CEP20: variants seen among roughly 807,000 people sequenced by gnomAD.
CEP20 encodes FGFR1OP N-terminal like.
CEP20 carries 18 observed loss-of-function variants against 20.0 expected under a neutral mutation model. The ratio of observed to expected loss-of-function variants is 0.90; its 90% CI spans 0.62 to 1.34. CEP20 has a LOEUF of 1.34. Among genes scored for constraint, CEP20 ranks in the 40% most tolerant of loss-of-function variants. The pLI is 0.00. For missense variants in CEP20, 215 were observed against 201.6 expected, an observed-to-expected ratio of 1.07 and a Z score of -0.40; for synonymous variants, 77 against 73.7, an observed-to-expected ratio of 1.04 and a Z score of -0.23.
rs766091952 is a variant in CEP20 at position 15,873,607 on chromosome 16, A to T, written c.332T>A (p.Leu111Ter). ...DNTIPLLYGI[L>*]AHFLRGTKDG... is the part of the protein sequence containing the mutation. Reference sequence around the variant, plus strand: ...CTTAGTTCCACGCAAGAAATGGGCTAAAATCCCATATAAAAGAGGTCTATA... The same window carrying T: ...CTTAGTTCCACGCAAGAAATGGGCTTAAATCCCATATAAAAGAGGTCTATA... The change falls in exon 4 of 5, where the codon TTA (leucine) becomes TAA (stop). Residue 111 changes from leucine to a stop codon, truncating the protein, a stop_gained. Transcript: ENST00000255759. LOFTEE classifies it high-confidence loss of function. 1 of 1,613,984 alleles carries T rather than the reference A, an allele frequency of 6.2e-7. No homozygotes were observed. Among genetic ancestry groups the T allele is most frequent in the Non-Finnish European group, 8.5e-7 (1 of 1,179,902 alleles).
chr16:15,866,595 G>A lies in CEP20; in HGVS notation c.*845C>T, dbSNP rs1049314835. The A allele has an allele frequency of 1.3e-5, 2 of 152,184 alleles. No individual in the cohort carries two copies. Among genetic ancestry groups the A allele is most frequent in the Non-Finnish European group, 2.9e-5 (2 of 68,030 alleles). 9.4% of individuals were successfully genotyped at this position (152,184 alleles called of 1,614,324 possible). ...GTTTCGGAGCCCAAACAAGTAGGGG[G>A]CTGGCCCTCTTCTGGCTCATCTGTG... On this transcript the variant is annotated 3_prime_UTR_variant, in exon 5 of 5. Coordinates refer to ENST00000255759, the MANE Select transcript of CEP20 (RefSeq NM_144600.4).
chr16:15,885,953 T>C (rs1028239870), intron 1 of CEP20: 1 of 152,208 alleles, frequency 6.6e-6, no homozygotes, highest in East Asian at 1.9e-4. Flanking sequence ...CTTGTAGTGA[T>C]CTGCAACTTT....
In CEP20 at chr16:15,868,936, G is replaced by T. The variant is rs527588470; in HGVS notation, c.449-1420C>A. ...AATAAAAATCTTCGCCAGGAATGTA[G>T]TCCCAGCTGTAGTCCCAGCTACTTG... On this transcript the variant is annotated intron_variant, in intron 4 of 4. Transcript: ENST00000255759. Among the ~76,000 whole-genome samples the T allele has an allele frequency of 3.3e-5, 5 of 151,596 alleles. No homozygotes were observed. The South Asian group carries it at 1.0e-3, about 32-fold the overall frequency.
intron 2 of CEP20, among the ~76,000 whole-genome samples, chr16:15,883,618 G>A (rs1052050900): frequency 3.3e-5 from 5 of 152,024 alleles, no homozygotes; most frequent in African/African-American, 1.2e-4. Context: ...TCTTGCCTCG[G>A]CCTCCCAAAG....
rs1336693932 is a variant in CEP20 at position 15,865,753 on chromosome 16, G to T, written c.*1687C>A. 6.6e-6 allele frequency: 1 copy of T among 152,084 alleles called. No individual in the cohort carries two copies. Among genetic ancestry groups the T allele is most frequent in the South Asian group, 2.1e-4 (1 of 4,832 alleles). 9.4% of individuals were successfully genotyped at this position (152,084 alleles called of 1,614,324 possible). On this transcript the variant is annotated 3_prime_UTR_variant, in exon 5 of 5. Transcript: ENST00000255759. ...TATTTTTTTTATTAAATGATACATT[G>T]AAAGTATAAAAAGTTGCCGCAGTAC... is the stretch of plus-strand genomic sequence containing the variant.
At chr16:15,872,844 G>A (rs2044853630) in intron 4 of CEP20, among the ~76,000 whole-genome samples, 1 of 151,832 alleles carries the variant, frequency 6.6e-6, no homozygotes, top group Non-Finnish European at 1.5e-5. Context: ...AAGAAATGTG[G>A]GCGATTCTCC....
chr16:15,878,348 G>A (rs1341205351), intron 3 of CEP20, among the ~76,000 whole-genome samples: 2 of 152,172 alleles, frequency 1.3e-5, no homozygotes, highest in Admixed American at 6.5e-5. Context: ...AAAGTGCTAC[G>A]CTAAGCAACA....
chr16:15,880,820 C>T (rs139451039), intron 2 of CEP20, among the ~76,000 whole-genome samples: 287 of 152,100 alleles, frequency 1.9e-3, no homozygotes, highest in African/African-American at 6.6e-3. Flanking sequence ...CTCATAGAAG[C>T]GTGAACCCTA....
At chr16:15,876,432 G>A (rs921826435) in intron 3 of CEP20, among the ~76,000 whole-genome samples, 4 of 151,206 alleles carry the variant, frequency 2.6e-5, no homozygotes, top group Admixed American at 6.6e-5. Context: ...CCGAGATCAC[G>A]CCACTGCACT....
At chr16:15,884,260 G>C in intron 1 of CEP20, 55 bp from the exon 2 acceptor site, 1 of 1,497,552 alleles carries the variant, frequency 6.7e-7, no homozygotes, top group Non-Finnish European at 9.1e-7. Flanking sequence ...GTCATTCTTA[G>C]GCATACTTTG....
chr16:15,877,649 T>C (rs2044987366), intron 3 of CEP20, among the ~76,000 whole-genome samples: 1 of 152,100 alleles, frequency 6.6e-6, no homozygotes, highest in Non-Finnish European at 1.5e-5. Flanking sequence ...TGCCAGCGTA[T>C]GCCTGTAATT....
chr16:15,880,019 C>G (rs1191524577), intron 2 of CEP20, 131 bp from the exon 3 acceptor site: 1 of 616,018 alleles, frequency 1.6e-6, no homozygotes, highest in East Asian at 3.2e-5. Context: ...CACACCAAGA[C>G]AGATCAAATT....
At chr16:15,874,789 T>C (rs1352055574) in intron 3 of CEP20, among the ~76,000 whole-genome samples, 2 of 152,164 alleles carry the variant, frequency 1.3e-5, no homozygotes, top group Non-Finnish European at 2.9e-5. Flanking sequence ...TGAGCTGAAC[T>C]CACTTCTAAC....
intron 1 of CEP20, among the ~76,000 whole-genome samples, chr16:15,886,677 G>C (rs970766227): frequency 1.3e-5 from 2 of 152,236 alleles, no homozygotes; most frequent in South Asian, 2.1e-4. Flanking sequence ...CTCAGAGATA[G>C]AACCAAGTAA....
chr16:15,872,734 CTCAAAAAAATACATAAAAATTTAT>C (rs2044851099), intron 4 of CEP20, among the ~76,000 whole-genome samples: 1 of 130,942 alleles, frequency 7.6e-6, no homozygotes, highest in Admixed American at 7.5e-5. Context: ...ATTTTTATGT[CTCAAAAAAATACATAAAAATTTAT>C]GTATTTTTAT....
chr16:15,885,528 G>A (rs1428907746), intron 1 of CEP20: 1 of 152,166 alleles, frequency 6.6e-6, no homozygotes, highest in Non-Finnish European at 1.5e-5. Context: ...AAATAGCTGG[G>A]ATTACAGGTG....
At chr16:15,879,930 T>A in intron 2 of CEP20, 42 bp from the exon 3 acceptor site, 1 of 1,336,196 alleles carries the variant, frequency 7.5e-7, no homozygotes. Context: ...TCTATTAAAC[T>A]AAAAAGCAAA....
At chr16:15,881,022 G>A (rs937787148) in intron 2 of CEP20, among the ~76,000 whole-genome samples, 1 of 151,938 alleles carries the variant, frequency 6.6e-6, no homozygotes, top group African/African-American at 2.4e-5. Flanking sequence ...CACAATCATA[G>A]AAATAAAATG....
chr16:15,873,588 T>G lies in CEP20; in HGVS notation c.351A>C (p.Gly117=). 1.2e-6 allele frequency: 2 copies of G among 1,613,998 alleles called. No homozygotes were observed. Among genetic ancestry groups the G allele is most frequent in the South Asian group, 1.1e-5 (1 of 91,056 alleles). Residue 117 remains glycine (G), a synonymous_variant, in exon 4 of 5, where the codon GGA becomes GGC. Transcript: ENST00000255759. The part of the protein sequence containing the change: ...LYGILAHFLR[G]TKDGIQNAFL... ...ATGCATTCTGGATGCCATCCTTAGT[T>G]CCACGCAAGAAATGGGCTAAAATCC...
Sources: gnomAD v4.1 joint callset for allele counts (sites outside exome capture counted in the v4.1 genomes callset) on GRCh38, gnomAD v4.1.1 for gene constraint, MANE v1.5 for transcripts, NCBI Gene and HGNC (gene_info 2026-07-23, HGNC 2026-07-21) for gene names.